PCDH15: variants seen among roughly 807,000 people sequenced by gnomAD.
PCDH15 encodes the protein protocadherin related 15.
Under a neutral mutation model 178.5 loss-of-function variants are expected in PCDH15, and 129 were observed. The ratio of observed to expected loss-of-function variants is 0.72; its 90% CI spans 0.63 to 0.84. The LOEUF (loss-of-function observed/expected upper bound fraction) is 0.84, where lower values mean the gene tolerates loss of function less well. Ranked by LOEUF, PCDH15 falls within the 40% of genes least tolerant of loss-of-function variation. The pLI, the probability that PCDH15 is intolerant of heterozygous loss-of-function variation, is 0.00. For missense variants in PCDH15, 2,230 were observed against 2,099.9 expected (o/e 1.06, Z -1.21); for synonymous variants, 800 against 732.0 (o/e 1.09, Z -1.50).
chr10:53,879,613 T>A (rs2080542605), intron 26 of PCDH15, among the ~76,000 whole-genome samples: 2 of 152,176 alleles, frequency 1.3e-5, no homozygotes. Flanking sequence ...TTGGTAAAAA[T>A]TAATAGCATT....
intron 10 of PCDH15, among the ~76,000 whole-genome samples, chr10:54,203,575 G>A (rs183302011): frequency 6.6e-6 from 1 of 152,264 alleles, no homozygotes; most frequent in East Asian, 1.9e-4. Flanking sequence ...CCGGAAGGCA[G>A]ATAATGACAA....
intron 2 of PCDH15, among the ~76,000 whole-genome samples, chr10:54,562,799 T>C (rs1476233966): frequency 6.6e-6 from 1 of 152,110 alleles, no homozygotes; most frequent in African/African-American, 2.4e-5. Context: ...CACGGAATGA[T>C]TGAAACCAAA....
chr10:54,172,417 C>A (rs966513696), intron 13 of PCDH15, among the ~76,000 whole-genome samples: 1 of 152,042 alleles, frequency 6.6e-6, no homozygotes, highest in South Asian at 2.1e-4. Context: ...ACTCTCTTTT[C>A]GGACTCAGCC....
chr10:54,394,727 G>C (rs1041477201), intron 3 of PCDH15, among the ~76,000 whole-genome samples: 1 of 152,142 alleles, frequency 6.6e-6, no homozygotes, highest in African/African-American at 2.4e-5. Context: ...TTCCTAATAA[G>C]CCTGGGAGCG....
chr10:54,580,864 C>G (rs2090973204), intron 2 of PCDH15, among the ~76,000 whole-genome samples: 1 of 151,906 alleles, frequency 6.6e-6, no homozygotes, highest in Non-Finnish European at 1.5e-5. Flanking sequence ...ATGATCATCT[C>G]CATAGATGCA....
chr10:54,486,477 C>T (rs116582003), intron 3 of PCDH15, among the ~76,000 whole-genome samples: 6,253 of 151,976 alleles, frequency 0.041, 203 homozygotes, highest in South Asian at 0.093. Context: ...AAGTAATTTA[C>T]ATACAGTTAT....
At chr10:54,574,392 T>C (rs1178815002) in intron 2 of PCDH15, among the ~76,000 whole-genome samples, 1 of 151,734 alleles carries the variant, frequency 6.6e-6, no homozygotes, top group Non-Finnish European at 1.5e-5. Context: ...TATATCTCTG[T>C]TTTGGTACCG....
At chr10:54,334,412 C>T (rs1044347914) in intron 6 of PCDH15, among the ~76,000 whole-genome samples, 5 of 152,082 alleles carry the variant, frequency 3.3e-5, no homozygotes, top group Non-Finnish European at 7.4e-5. Context: ...CCCCAGAATC[C>T]CCTTTACTAA....
chr10:54,215,786 A>C (rs1383532044), intron 9 of PCDH15, among the ~76,000 whole-genome samples: 3 of 152,146 alleles, frequency 2.0e-5, no homozygotes, highest in Admixed American at 2.0e-4. Context: ...TCACGCCTGT[A>C]ATCCCGGCAC....
At chr10:54,418,744 T>C (rs1954814521) in intron 3 of PCDH15, among the ~76,000 whole-genome samples, 4 of 152,066 alleles carry the variant, frequency 2.6e-5, no homozygotes, top group South Asian at 4.1e-4. Context: ...AGAAGGCCTA[T>C]TGAAAAATGA....
At chr10:55,074,016 T>C (rs1841816644) in intron 2 of PCDH15, among the ~76,000 whole-genome samples, 1 of 152,134 alleles carries the variant, frequency 6.6e-6, no homozygotes, top group African/African-American at 2.4e-5. Context: ...CCCAGGTCCA[T>C]CTATGTCCCT....
intron 3 of PCDH15, among the ~76,000 whole-genome samples, chr10:54,470,418 C>T (rs570230367): frequency 1.3e-5 from 2 of 152,100 alleles, no homozygotes; most frequent in African/African-American, 2.4e-5. Flanking sequence ...AGGTCAGTGG[C>T]GTTCTAGGAA....
intron 2 of PCDH15, among the ~76,000 whole-genome samples, chr10:54,977,369 C>A (rs186163180): frequency 5.1e-4 from 77 of 152,280 alleles, no homozygotes; most frequent in Admixed American, 5.9e-4. Context: ...TCCAAGATAG[C>A]TATGAAAGTG....
rs7919500 is a variant in PCDH15 at position 54,492,854 on chromosome 10, C to T, written c.157+34958G>A. ...TCTGTTTTCATGCTGCTGATAAAGA[C>T]ATACCTGAGACTGGGCGATTCACAA... On this transcript the variant is annotated intron_variant, in intron 3 of 37. Transcript: ENST00000644397. Among the ~76,000 whole-genome samples, 1,180 of 152,204 alleles carry T rather than the reference C, an allele frequency of 7.8e-3. 13 individuals are homozygous for T. Among genetic ancestry groups the T allele is most frequent in the African/African-American group, 0.027 (1,118 of 41,534 alleles).
At chr10:53,879,379 T>G (rs1430166212) in intron 26 of PCDH15, among the ~76,000 whole-genome samples, 4 of 152,182 alleles carry the variant, frequency 2.6e-5, no homozygotes, top group Non-Finnish European at 4.4e-5. Flanking sequence ...ATGATACAGA[T>G]ATAATAAGAT....
At chr10:54,580,711 G>A (rs1380739988) in intron 2 of PCDH15, among the ~76,000 whole-genome samples, 1 of 151,946 alleles carries the variant, frequency 6.6e-6, no homozygotes, top group Admixed American at 6.6e-5. Context: ...CCAAACACTA[G>A]CAAACCTGAT....
At position 54,307,584 on chromosome 10, in the gene PCDH15, C is replaced by T. The variant is rs2060635611; in HGVS notation, c.876+9687G>A. ...ACTGATATATTTTGGCTCACAGTAT[C>T]ACCTTGTGGCATTTGGCATCTGCTG... On this transcript the variant is annotated intron_variant, in intron 8 of 37. Transcript: ENST00000644397. Among the ~76,000 whole-genome samples the T allele has an allele frequency of 2.0e-5, 3 of 151,898 alleles. No individual in the cohort carries two copies. The South Asian group carries it at 6.2e-4, about 31-fold the overall frequency.
rs147506568 is a variant in PCDH15, at chr10:54,040,101, T to C, written c.2221-16904A>G. ...ATACACTATGTTTCCTAATACTGTT[T>C]ACTTAATTACTCTTAAAAAGTCATA... On this transcript the variant is annotated intron_variant, in intron 18 of 37. Coordinates refer to ENST00000644397, the MANE Select transcript of PCDH15 (RefSeq NM_001384140.1). Among the ~76,000 whole-genome samples the C allele has an allele frequency of 2.0e-5, 3 of 152,148 alleles. No homozygotes were observed. In the East Asian group the frequency reaches 5.8e-4, roughly 29 times the overall value.
At chr10:54,351,759 C>T (rs912694823) in intron 5 of PCDH15, among the ~76,000 whole-genome samples, 5 of 152,100 alleles carry the variant, frequency 3.3e-5, no homozygotes, top group Non-Finnish European at 7.3e-5. Flanking sequence ...ACCCTGCCCA[C>T]CTTTTTTTGC....
Sources: gnomAD v4.1 joint callset for allele counts (sites outside exome capture counted in the v4.1 genomes callset) on GRCh38, gnomAD v4.1.1 for gene constraint, MANE v1.5 for transcripts, NCBI Gene and HGNC (gene_info 2026-07-23, HGNC 2026-07-21) for gene names.